The following FRMD4A variants were observed in gnomAD, a reference collection of about 807,000 sequenced individuals.
FRMD4A encodes the protein FERM domain containing 4A.
FRMD4A carries 29 observed loss-of-function variants against 129.1 expected under a neutral mutation model. The observed-to-expected ratio is 0.22, with a 90% confidence interval of 0.17 to 0.31. The LOEUF is 0.31. Ranked by LOEUF, FRMD4A falls within the 10% of genes least tolerant of loss-of-function variation. The pLI is 1.00. For missense variants in FRMD4A, 1,272 were observed against 1,375.8 expected, an observed-to-expected ratio of 0.92 and a Z score of 1.19; for synonymous variants, 634 against 571.6, an observed-to-expected ratio of 1.11 and a Z score of -1.56.
chr10:14,221,025 T>C (rs1843241754), intron 2 of FRMD4A, among the ~76,000 whole-genome samples: 1 of 152,082 alleles, frequency 6.6e-6, no homozygotes, highest in South Asian at 2.1e-4. Flanking sequence ...GCAGGAACCC[T>C]GCTGTATTGG....
At chr10:14,191,991 A>C (rs748252041) in intron 2 of FRMD4A, among the ~76,000 whole-genome samples, 1 of 152,078 alleles carries the variant, frequency 6.6e-6, no homozygotes, top group Non-Finnish European at 1.5e-5. Flanking sequence ...CCCGGTTGAC[A>C]TTTCAACCAG....
At chr10:14,280,387 C>A (rs2132059514) in intron 2 of FRMD4A, among the ~76,000 whole-genome samples, 1 of 152,120 alleles carries the variant, frequency 6.6e-6, no homozygotes, top group African/African-American at 2.4e-5. Flanking sequence ...CTCAAGAGAT[C>A]CTCCTGCTTC....
At position 13,648,231 on chromosome 10, in the gene FRMD4A, G is replaced by A. The variant is rs554941731; in HGVS notation, c.*3-1196C>T. 476 of 152,334 alleles carry A rather than the reference G, an allele frequency of 3.1e-3. 1 individual carries two copies. Among genetic ancestry groups the A allele is most frequent in the Non-Finnish European group, 3.8e-3 (259 of 68,070 alleles). The allele number at this position is 152,334 out of a possible 1,614,324, so 9.4% of individuals were successfully genotyped here. On this transcript the variant is annotated intron_variant, in intron 24 of 24. Transcript: ENST00000357447. The stretch of plus-strand genomic sequence containing the variant: ...GAAATAAACCAGCTTCAGAAGCAAA[G>A]TAAGAAAAGGCCCTTGATTATGACA...
chr10:14,078,458 T>A (rs967622243), intron 2 of FRMD4A, among the ~76,000 whole-genome samples: 2 of 152,216 alleles, frequency 1.3e-5, no homozygotes, highest in African/African-American at 4.8e-5. Context: ...AAATCCAGGT[T>A]AAAGGGAAGC....
chr10:13,804,523 T>TTTTCTTTCTTTC (rs35515807), intron 4 of FRMD4A, among the ~76,000 whole-genome samples: 2,276 of 146,744 alleles, frequency 0.016, 87 homozygotes, highest in African/African-American at 0.055. Context: ...AGTCAGGACT[T>TTTTCTTTCTTTC]TTTCTTTCTT....
chr10:13,961,421 A>C (rs1298829469), intron 2 of FRMD4A, among the ~76,000 whole-genome samples: 6 of 152,228 alleles, frequency 3.9e-5, no homozygotes, highest in African/African-American at 1.4e-4. Flanking sequence ...TGGGTATGAC[A>C]GTGCTTAGTA....
chr10:13,954,135 C>T (rs530195298), intron 2 of FRMD4A, among the ~76,000 whole-genome samples: 5 of 152,290 alleles, frequency 3.3e-5, no homozygotes, highest in East Asian at 1.9e-4. Context: ...GCTGCTTCTC[C>T]GCAGGTTGGG....
chr10:13,895,552 C>G (rs1353073014), intron 2 of FRMD4A, among the ~76,000 whole-genome samples: 4 of 152,070 alleles, frequency 2.6e-5, no homozygotes, highest in Admixed American at 6.6e-5. Context: ...GGGGCCTGGA[C>G]TGGGAACAAA....
rs557059749 is a variant in FRMD4A at position 14,088,441 on chromosome 10, C to T, written c.46-229529G>A. 4.6e-4 allele frequency among the ~76,000 whole-genome samples: 68 copies of T among 147,760 alleles called. 1 individual carries two copies. In the South Asian group the frequency reaches 0.014, roughly 31 times the overall value. The stretch of plus-strand genomic sequence containing the variant: ...GCCTGGGTGACAGAACAAGACTCTT[C>T]CTAAAAGAAAAAAAAAAAAAAAGGA... On this transcript the variant is annotated intron_variant, in intron 2 of 24. Coordinates refer to ENST00000357447, the MANE Select transcript of FRMD4A (RefSeq NM_018027.5).
At chr10:13,961,081 A>T (rs1026525182) in intron 2 of FRMD4A, among the ~76,000 whole-genome samples, 3 of 152,252 alleles carry the variant, frequency 2.0e-5, no homozygotes, top group Non-Finnish European at 4.4e-5. Context: ...GATTGAGCAC[A>T]GTTAAAACAT....
intron 2 of FRMD4A, among the ~76,000 whole-genome samples, chr10:14,245,494 G>A (rs1265716408): frequency 6.6e-6 from 1 of 152,178 alleles, no homozygotes. Context: ...CTCAAGTCCT[G>A]TTGTGGGCTG....
rs182614383 is a variant in FRMD4A at position 14,061,510 on chromosome 10, G to A, written c.46-202598C>T. Among the ~76,000 whole-genome samples, 207 of 152,242 alleles carry A rather than the reference G, an allele frequency of 1.4e-3. 7 individuals are homozygous for A. Among genetic ancestry groups the A allele is most frequent in the Admixed American group, 0.013 (205 of 15,284 alleles). On this transcript the variant is annotated intron_variant, in intron 2 of 24. Transcript: ENST00000357447. Reference sequence around the variant, plus strand: ...TTTAAATATATTATTGATTATCAAAGGGTAGAAAACCAGGTGCTCATGACG... The same window carrying A: ...TTTAAATATATTATTGATTATCAAAAGGTAGAAAACCAGGTGCTCATGACG...
intron 2 of FRMD4A, among the ~76,000 whole-genome samples, chr10:14,115,646 T>C (rs1838160928): frequency 6.6e-6 from 1 of 152,002 alleles, no homozygotes; most frequent in Non-Finnish European, 1.5e-5. Flanking sequence ...AATGAGTGAG[T>C]TCTCGCTCTT....
intron 2 of FRMD4A, among the ~76,000 whole-genome samples, chr10:14,135,018 G>A (rs889818539): frequency 2.6e-5 from 4 of 152,196 alleles, no homozygotes; most frequent in African/African-American, 9.7e-5. Context: ...TTGAGGACTA[G>A]AGGTTGCACA....
intron 2 of FRMD4A, among the ~76,000 whole-genome samples, chr10:13,889,148 G>A (rs1257793682): frequency 6.6e-6 from 1 of 152,234 alleles, no homozygotes; most frequent in Admixed American, 6.5e-5. Flanking sequence ...TTTGATGGTA[G>A]TCTCACCCAA....
chr10:14,166,805 C>T (rs1841204431), intron 2 of FRMD4A, among the ~76,000 whole-genome samples: 2 of 152,234 alleles, frequency 1.3e-5, no homozygotes, highest in South Asian at 4.1e-4. Flanking sequence ...GGAGATAGTT[C>T]TACCCTGGTT....
intron 2 of FRMD4A, among the ~76,000 whole-genome samples, chr10:13,987,180 A>AT (rs907120697): frequency 2.6e-5 from 4 of 152,034 alleles, no homozygotes; most frequent in Non-Finnish European, 4.4e-5. Flanking sequence ...ACAGCTTCAT[A>AT]TTTTCACATG....
intron 14 of FRMD4A, among the ~76,000 whole-genome samples, chr10:13,697,822 A>T (rs1199141777): frequency 6.6e-6 from 1 of 152,182 alleles, no homozygotes; most frequent in Non-Finnish European, 1.5e-5. Context: ...AAAAGTGTCT[A>T]ATGTCGACTC....
chr10:13,699,934 A>C (rs2086640175), intron 14 of FRMD4A, among the ~76,000 whole-genome samples: 1 of 152,192 alleles, frequency 6.6e-6, no homozygotes, highest in South Asian at 2.1e-4. Context: ...TATTCCTAAC[A>C]ACAGAAATTC....
Sources: gnomAD v4.1 joint callset for allele counts (sites outside exome capture counted in the v4.1 genomes callset) on GRCh38, gnomAD v4.1.1 for gene constraint, MANE v1.5 for transcripts, NCBI Gene and HGNC (gene_info 2026-07-23, HGNC 2026-07-21) for gene names.